GGA2: variants seen among roughly 807,000 people sequenced by gnomAD.
GGA2 encodes ADP-ribosylation factor-binding protein GGA2.
Under a neutral mutation model 79.5 loss-of-function variants are expected in GGA2, and 48 were observed. The observed-to-expected ratio is 0.60, with a 90% CI of 0.48 to 0.77. GGA2 has a LOEUF of 0.77. Among genes scored for constraint, GGA2 ranks in the 30% least tolerant of loss-of-function variants. The probability of loss-of-function intolerance (pLI) is 0.00; values close to 1 mark genes in which losing one functional copy is unlikely to be tolerated. For synonymous variants in GGA2, 317 were observed against 302.0 expected (o/e 1.05, Z -0.51); for missense variants, 770 against 774.0 (o/e 0.99, Z 0.06).
intron 1 of GGA2, among the ~76,000 whole-genome samples, chr16:23,503,122 C>T (rs1463232349): frequency 1.3e-5 from 2 of 152,154 alleles, no homozygotes; most frequent in Non-Finnish European, 1.5e-5. Context: ...TTCCTTTTAT[C>T]GGGAACAATA....
intron 1 of GGA2, among the ~76,000 whole-genome samples, chr16:23,509,745 C>T (rs727238): frequency 0.75 from 111,088 of 148,140 alleles, 42,164 homozygotes; most frequent in Non-Finnish European, 0.82. Context: ...AAAAAACACA[C>T]ATATATATAT....
intron 1 of GGA2, 114 bp from the exon 2 acceptor site, chr16:23,495,892 T>A: frequency 1.6e-6 from 1 of 610,338 alleles, no homozygotes; most frequent in Non-Finnish European, 2.9e-6. Flanking sequence ...ATCAGACCAG[T>A]GGGCAGACAG....
intron 14 of GGA2, among the ~76,000 whole-genome samples, chr16:23,472,128 G>A (rs111964214): frequency 9.5e-5 from 14 of 147,330 alleles, no homozygotes; most frequent in South Asian, 4.4e-4. Context: ...ATAAAGAAAG[G>A]CATCCAAAGA....
chr16:23,467,195 C>T lies in GGA2; in HGVS notation c.*395G>A. 1 of 180,960 alleles carries T rather than the reference C, an allele frequency of 5.5e-6. No homozygotes were observed. The highest frequency in any genetic ancestry group is 1.2e-5 in the Non-Finnish European group (1 of 85,458). The allele number at this position is 180,960 out of a possible 1,614,324, so 11.2% of individuals were successfully genotyped here. A position where few individuals can be genotyped will look rare whatever the true frequency, so the allele number is the denominator to read the frequency against. On this transcript the variant is annotated 3_prime_UTR_variant, in exon 17 of 17. Coordinates refer to ENST00000309859, the MANE Select transcript of GGA2 (RefSeq NM_015044.4). ...AAGCCTTTCAAAGGCTGACAAGGCA[C>T]AGAGTGGATGAATGGAACGAACGAT...
chr16:23,520,253 C>A (rs78240593), intron 1 of GGA2, among the ~76,000 whole-genome samples: 563 of 114,306 alleles, frequency 4.9e-3, no homozygotes, highest in Middle Eastern at 8.9e-3. Context: ...AACTACGTCT[C>A]AAAAAAAAAA....
chr16:23,468,800 A>T, intron 16 of GGA2, 86 bp downstream of exon 16: 1 of 761,724 alleles, frequency 1.3e-6, no homozygotes, highest in South Asian at 1.4e-5. Flanking sequence ...GCAAGGCCTC[A>T]ATGTGCCTCT....
intron 2 of GGA2, among the ~76,000 whole-genome samples, chr16:23,519,406 C>T (rs1965122404): frequency 6.6e-6 from 1 of 152,136 alleles, no homozygotes; most frequent in Admixed American, 6.6e-5. Context: ...AACTGGTTTC[C>T]CACACACTAA....
At chr16:23,520,120 G>A (rs1965127453) in intron 1 of GGA2, among the ~76,000 whole-genome samples, 1 of 152,018 alleles carries the variant, frequency 6.6e-6, no homozygotes, top group Non-Finnish European at 1.5e-5. Context: ...GCGGCACATG[G>A]CACATGCCTG....
chr16:23,488,084 G>A (rs1462809123), intron 6 of GGA2, among the ~76,000 whole-genome samples: 2 of 152,064 alleles, frequency 1.3e-5, no homozygotes, highest in African/African-American at 2.4e-5. Context: ...CATGGTGGAT[G>A]GAAAATGGAT....
intron 1 of GGA2, among the ~76,000 whole-genome samples, chr16:23,497,124 A>C (rs1019837341): frequency 1.7e-4 from 25 of 150,808 alleles, no homozygotes; most frequent in African/African-American, 4.6e-4. Context: ...AAAAAAAAAC[A>C]ACCACCCTTC....
chr16:23,510,251 C>T, intron 1 of GGA2, 70 bp downstream of exon 1: 1 of 1,043,736 alleles, frequency 9.6e-7, no homozygotes, highest in Non-Finnish European at 1.3e-6. Flanking sequence ...GAAGCAAGGC[C>T]CCGGGAGGCG....
upstream of GGA2, among the ~76,000 whole-genome samples, chr16:23,512,018 C>G (rs759777159): frequency 5.3e-5 from 8 of 152,152 alleles, no homozygotes; most frequent in Non-Finnish European, 1.2e-4. Context: ...CAAAGAAAGG[C>G]TAGAACCTGG....
intron 3 of GGA2, 106 bp from the exon 4 acceptor site, chr16:23,493,564 C>T (rs772125183): frequency 2.6e-6 from 2 of 755,936 alleles, no homozygotes; most frequent in Non-Finnish European, 2.4e-6. Context: ...CCAAGGCTAA[C>T]CCTGCCTCAA....
chr16:23,507,256 C>T (rs1467897144), intron 1 of GGA2, among the ~76,000 whole-genome samples: 1 of 152,152 alleles, frequency 6.6e-6, no homozygotes, highest in Non-Finnish European at 1.5e-5. Context: ...TCCTGAAAAA[C>T]AGGAAGATCT....
chr16:23,490,419 TGTATAA>T (rs1482425588), intron 5 of GGA2, among the ~76,000 whole-genome samples: 4 of 152,156 alleles, frequency 2.6e-5, no homozygotes, highest in Non-Finnish European at 5.9e-5. Context: ...CCAATAAATG[TGTATAA>T]GTATGTGTCA....
rs1170683894 is a variant in GGA2, at chr16:23,466,663, A to T, written c.*927T>A. ...CCTCAATCACTGCTAAGCTCTCTTC[A>T]TGTCTATCTGTACCACAGTTTCCCA... is the stretch of plus-strand genomic sequence containing the variant. On this transcript the variant is annotated 3_prime_UTR_variant, in exon 17 of 17. Transcript: ENST00000309859. 1 of 146,962 alleles carries T rather than the reference A, an allele frequency of 6.8e-6. No homozygotes were observed. The highest frequency in any genetic ancestry group is 6.7e-5 in the Admixed American group (1 of 14,846). 9.1% of individuals were successfully genotyped at this position (146,962 alleles called of 1,614,324 possible). A position where few individuals can be genotyped will look rare whatever the true frequency, so the allele number is the denominator to read the frequency against.
At chr16:23,515,137 T>G (rs1322420925), upstream of GGA2, among the ~76,000 whole-genome samples, 5 of 150,862 alleles carry the variant, frequency 3.3e-5, no homozygotes, top group Admixed American at 1.3e-4. Context: ...TTTTCCTTAA[T>G]CTAAAAGAGA....
intron 5 of GGA2, among the ~76,000 whole-genome samples, chr16:23,490,818 T>C (rs932572550): frequency 3.9e-5 from 6 of 152,188 alleles, no homozygotes; most frequent in Non-Finnish European, 7.3e-5. Context: ...TAAAATATTT[T>C]ATGTCTGCAC....
chr16:23,494,311 C>T lies in GGA2; in HGVS notation c.244G>A (p.Ala82Thr). ...AGGCAAGCCAAACTCACCGTTAAGG[C>T]ATAAAGAGCTTCCTTCTCTTGCGGA... ...QSPQEKEALY[A>T]LTVLEMCMNH... Residue 82 changes from alanine to threonine, a missense_variant, in exon 3 of 17, where the codon GCC (alanine) becomes ACC (threonine). Transcript: ENST00000309859. The T allele has an allele frequency of 1.2e-6, 2 of 1,606,190 alleles. No homozygotes were observed. The highest frequency in any genetic ancestry group is 1.7e-5 in the Admixed American group (1 of 60,026).
Sources: allele counts gnomAD v4.1 joint callset (sites outside exome capture counted in the v4.1 genomes callset), GRCh38; gene constraint gnomAD v4.1.1; transcripts MANE v1.5; gene names NCBI Gene and HGNC (gene_info 2026-07-23, HGNC 2026-07-21).